HTR2C: variants seen among roughly 807,000 people sequenced by gnomAD.
HTR2C encodes 5-hydroxytryptamine (serotonin) receptor 2C, G protein-coupled.
In HTR2C, 5 loss-of-function variants were observed where a neutral mutation model predicts 21.0. That is an observed-to-expected ratio of 0.24 (90% CI 0.12 to 0.50). HTR2C has a LOEUF of 0.50. Ranked by LOEUF, HTR2C falls within the 20% of genes least tolerant of loss-of-function variation. The probability of loss-of-function intolerance (pLI) is 0.98; values close to 1 mark genes in which losing one functional copy is unlikely to be tolerated. For missense variants in HTR2C, 271 were observed against 371.2 expected (o/e 0.73, Z 2.22); for synonymous variants, 150 against 145.3 (o/e 1.03, Z -0.23).
chrX:114,841,946 A>G (rs1473983630), intron 4 of HTR2C, among the ~76,000 whole-genome samples: 2 of 111,936 alleles, frequency 1.8e-5, no homozygotes, highest in East Asian at 2.8e-4. Flanking sequence ...TAGAAAACAA[A>G]TAGCTAACAT....
intron 4 of HTR2C, among the ~76,000 whole-genome samples, chrX:114,763,727 TC>T (rs1389813538): frequency 4.3e-4 from 46 of 107,258 alleles, no homozygotes; most frequent in South Asian, 3.3e-3. Context: ...CTGGTCTTTT[TC>T]TTTTTAATGG....
chrX:114,678,693 T>C (rs1931650207), intron 2 of HTR2C, among the ~76,000 whole-genome samples: 1 of 111,749 alleles, frequency 8.9e-6, no homozygotes. Flanking sequence ...TAAAGTATCA[T>C]AGATTTTAAG....
intron 4 of HTR2C, chrX:114,775,036 A>G: frequency 8.3e-6 from 4 of 483,504 alleles, no homozygotes; most frequent in Middle Eastern, 6.3e-4. Flanking sequence ...CAGCCATTTG[A>G]TAACTTCATT....
intron 5 of HTR2C, among the ~76,000 whole-genome samples, chrX:114,875,973 G>A (rs782291362): frequency 9.4e-6 from 1 of 106,799 alleles, no homozygotes; most frequent in South Asian, 4.1e-4. Flanking sequence ...AATAGGGATT[G>A]TATTAAATTT....
intron 5 of HTR2C, among the ~76,000 whole-genome samples, chrX:114,857,818 CTT>C (rs1219772230): frequency 9.0e-6 from 1 of 110,686 alleles, no homozygotes; most frequent in Admixed American, 9.7e-5. Context: ...TATTTCCTTC[CTT>C]TCTTAAGTGT....
chrX:114,811,335 A>G (rs1210944640), intron 4 of HTR2C, among the ~76,000 whole-genome samples: 3 of 110,085 alleles, frequency 2.7e-5, no homozygotes, highest in African/African-American at 9.9e-5. Context: ...CCCACCCAAT[A>G]CGTTTTTTTG....
At chrX:114,651,195 A>G (rs192991781) in intron 2 of HTR2C, among the ~76,000 whole-genome samples, 36 of 111,842 alleles carry the variant, frequency 3.2e-4, no homozygotes, top group African/African-American at 1.1e-3. Context: ...TTTTTCCATG[A>G]CACTACTTTT....
chrX:114,626,822 A>G (rs1378485988), intron 2 of HTR2C, among the ~76,000 whole-genome samples: 1 of 112,025 alleles, frequency 8.9e-6, no homozygotes, highest in Non-Finnish European at 1.9e-5. Context: ...GAGATTCCTT[A>G]TGGCAGAGTT....
At chrX:114,725,800 A>T (rs1166830049) in intron 2 of HTR2C, among the ~76,000 whole-genome samples, 1 of 110,793 alleles carries the variant, frequency 9.0e-6, no homozygotes, top group African/African-American at 3.3e-5. Context: ...TGCCCCTGCT[A>T]GGGGGTGCCT....
chrX:114,633,765 T>TTCTC (rs782141679), intron 2 of HTR2C, among the ~76,000 whole-genome samples: 369 of 109,751 alleles, frequency 3.4e-3, no homozygotes, highest in African/African-American at 0.011. Context: ...AAAGGCATCA[T>TTCTC]TCTCTCTCTC....
At chrX:114,729,341 A>G (rs782438999) in intron 3 of HTR2C, among the ~76,000 whole-genome samples, 3 of 111,831 alleles carry the variant, frequency 2.7e-5, no homozygotes, top group Non-Finnish European at 3.8e-5. Context: ...TATATCATTT[A>G]ATTTTCACAA....
At chrX:114,747,044 A>G (rs1556426398) in intron 4 of HTR2C, among the ~76,000 whole-genome samples, 1 of 111,425 alleles carries the variant, frequency 9.0e-6, no homozygotes, top group Non-Finnish European at 1.9e-5. Flanking sequence ...CATGGTGGTG[A>G]GTGCCTGTAA....
chrX:114,885,697 G>A (rs2071215018), intron 5 of HTR2C, among the ~76,000 whole-genome samples: 1 of 110,474 alleles, frequency 9.1e-6, no homozygotes, highest in Admixed American at 9.7e-5. Flanking sequence ...TACTCATTTA[G>A]GTTATTACTG....
In HTR2C at chrX:114,802,378, G is replaced by T. The variant is rs374443597; in HGVS notation, c.350-45625G>T. 7.2e-5 allele frequency among the ~76,000 whole-genome samples: 8 copies of T among 111,584 alleles called. No homozygotes were observed. The East Asian group carries it at 2.0e-3, about 28-fold the overall frequency. On this transcript the variant is annotated intron_variant, in intron 4 of 5. Transcript: ENST00000276198. ...TACTATGATGGGAAATCATAGATGA[G>T]AGCAGGAGCTTTTGCACTGAATTTC...
At chrX:114,897,053 G>A (rs1309574952) in intron 5 of HTR2C, among the ~76,000 whole-genome samples, 4 of 110,920 alleles carry the variant, frequency 3.6e-5, no homozygotes, top group Non-Finnish European at 3.8e-5. Context: ...GATTGCCATC[G>A]GATATCTTAT....
At chrX:114,641,597 A>T (rs1287627838) in intron 2 of HTR2C, among the ~76,000 whole-genome samples, 1 of 111,746 alleles carries the variant, frequency 8.9e-6, no homozygotes, top group African/African-American at 3.3e-5. Flanking sequence ...GGATAAGTTG[A>T]TTTTCTTTCA....
chrX:114,741,249 G>A (rs954351379), intron 4 of HTR2C, among the ~76,000 whole-genome samples: 10 of 108,863 alleles, frequency 9.2e-5, no homozygotes, highest in African/African-American at 3.3e-4. Flanking sequence ...GGCCGGGCAC[G>A]GTGGCTCATG....
chrX:114,869,137 C>T (rs1348803714), intron 5 of HTR2C, among the ~76,000 whole-genome samples: 1 of 111,208 alleles, frequency 9.0e-6, no homozygotes, highest in Non-Finnish European at 1.9e-5. Context: ...TGATGGTTTC[C>T]AGCTTCATTC....
chrX:114,727,387 G>A (rs1415375738), intron 3 of HTR2C, among the ~76,000 whole-genome samples: 2 of 111,657 alleles, frequency 1.8e-5, no homozygotes, highest in Admixed American at 1.9e-4. Context: ...TGGAAGTTAG[G>A]GGATAGGGCT....
Sources: gnomAD v4.1 joint callset for allele counts (sites outside exome capture counted in the v4.1 genomes callset) on GRCh38, gnomAD v4.1.1 for gene constraint, MANE v1.5 for transcripts, NCBI Gene and HGNC (gene_info 2026-07-23, HGNC 2026-07-21) for gene names.